The following ZDHHC11B variants were observed in gnomAD, a reference collection of about 807,000 sequenced individuals.
The protein encoded by ZDHHC11B is zDHHC palmitoyltransferase 11B (putative), also known as probable palmitoyltransferase ZDHHC11B.
Under a neutral mutation model 42.3 loss-of-function variants are expected in ZDHHC11B, and 17 were observed. The observed-to-expected ratio is 0.40, with a 90% confidence interval of 0.27 to 0.60. The LOEUF is 0.60. Ranked by LOEUF, ZDHHC11B falls within the 20% of genes least tolerant of loss-of-function variation. The probability of loss-of-function intolerance (pLI) is 0.41; values close to 1 mark genes in which losing one functional copy is unlikely to be tolerated. For missense variants in ZDHHC11B, 262 were observed against 463.2 expected, an observed-to-expected ratio of 0.57 and a Z score of 3.99; for synonymous variants, 123 against 193.5, an observed-to-expected ratio of 0.64 and a Z score of 3.02.
chr5:736,569 C>T (rs1030755563), intron 10 of ZDHHC11B, among the ~76,000 whole-genome samples: 2 of 147,464 alleles, frequency 1.4e-5, no homozygotes, highest in African/African-American at 2.5e-5. Context: ...ATATAATAGG[C>T]CACAAAACAA....
intron 1 of ZDHHC11B, among the ~76,000 whole-genome samples, chr5:783,890 C>G (rs1221132454): frequency 1.3e-5 from 2 of 148,618 alleles, no homozygotes; most frequent in African/African-American, 2.5e-5. Flanking sequence ...CCCCCCTAAA[C>G]GCTTATCAAA....
intron 4 of ZDHHC11B, among the ~76,000 whole-genome samples, chr5:760,054 C>A (rs1488195956): frequency 1.3e-5 from 2 of 151,838 alleles, no homozygotes; most frequent in Non-Finnish European, 2.9e-5. Flanking sequence ...AATGGAGATC[C>A]AGGTGTGGAG....
chr5:778,738 G>A (rs1255058751), intron 1 of ZDHHC11B, among the ~76,000 whole-genome samples: 173 of 150,678 alleles, frequency 1.1e-3, no homozygotes, highest in African/African-American at 4.1e-3. Flanking sequence ...CCACAGCTGA[G>A]CCCTAAATCC....
Position 715,312 on chromosome 5 carries a change from G to A in ZDHHC11B, c.*7+1489C>T, listed in dbSNP as rs553271694. ...TTGCAAGTTGATGCTTCGGCCAAGC[G>A]TCCAGCTCCACTTCTCAGGCTCTGC... On this transcript the variant is annotated intron_variant, in intron 13 of 13. Coordinates refer to ENST00000508859, the MANE Select transcript of ZDHHC11B (RefSeq NM_001351303.2). 8.4e-3 allele frequency among the ~76,000 whole-genome samples: 1,257 copies of A among 150,072 alleles called. 15 individuals carry two copies. Among genetic ancestry groups the A allele is most frequent in the Non-Finnish European group, 0.012 (777 of 67,564 alleles).
At chr5:750,552 C>T (rs1233371488) in intron 7 of ZDHHC11B, among the ~76,000 whole-genome samples, 6 of 130,720 alleles carry the variant, frequency 4.6e-5, no homozygotes, top group African/African-American at 1.3e-4. Context: ...GCCCATTTCC[C>T]GAGGATGCTG....
chr5:762,478 G>C (rs1256338670), intron 4 of ZDHHC11B, among the ~76,000 whole-genome samples: 1 of 151,822 alleles, frequency 6.6e-6, no homozygotes, highest in East Asian at 1.9e-4. Flanking sequence ...CAGACTTGTA[G>C]ATAGGGTGTG....
intron 10 of ZDHHC11B, among the ~76,000 whole-genome samples, chr5:739,920 T>C (rs1229112596): frequency 6.6e-5 from 10 of 151,260 alleles, no homozygotes; most frequent in Non-Finnish European, 1.3e-4. Flanking sequence ...TCTGTATATA[T>C]GTAAATACCA....
chr5:722,563 C>A (rs1438380420), intron 12 of ZDHHC11B, among the ~76,000 whole-genome samples: 2 of 151,648 alleles, frequency 1.3e-5, no homozygotes, highest in Non-Finnish European at 1.5e-5. Flanking sequence ...ACTTCTTATA[C>A]CCTGCTGTGA....
chr5:721,389 T>C (rs978446568), intron 12 of ZDHHC11B, among the ~76,000 whole-genome samples: 3 of 151,614 alleles, frequency 2.0e-5, no homozygotes, highest in Non-Finnish European at 4.4e-5. Flanking sequence ...GATAGATAGA[T>C]AGATTGAACT....
At chr5:761,307 C>T (rs1221823577) in intron 4 of ZDHHC11B, among the ~76,000 whole-genome samples, 2 of 151,854 alleles carry the variant, frequency 1.3e-5, no homozygotes, top group Admixed American at 6.6e-5. Context: ...CATCCTCATC[C>T]CTCACTGCAG....
chr5:754,554 G>A (rs866000642), intron 6 of ZDHHC11B, among the ~76,000 whole-genome samples: 2,657 of 96,556 alleles, frequency 0.028, 2 homozygotes, highest in African/African-American at 0.055. Context: ...AGCCTCCACC[G>A]TGCTCAGGGG....
At chr5:784,303 C>T (rs1356905165) in intron 1 of ZDHHC11B, among the ~76,000 whole-genome samples, 1 of 151,864 alleles carries the variant, frequency 6.6e-6, no homozygotes, top group Non-Finnish European at 1.5e-5. Context: ...GTTCCAGCCC[C>T]GGGCTGGGCA....
At chr5:740,869 T>TCA (rs10626422) in intron 10 of ZDHHC11B, among the ~76,000 whole-genome samples, 100,194 of 118,782 alleles carry the variant, frequency 0.84, 42,919 homozygotes, top group East Asian at 0.96. Flanking sequence ...GAAAAAATGT[T>TCA]GTCGTAATTG....
rs550232191 is a variant in ZDHHC11B, at chr5:760,687, C to T, written c.223-4543G>A. ...CATGCACTGGGCCCTGCGGTGGAAT[C>T]GCAGATGCAAACACAGCATTTTACA... On this transcript the variant is annotated intron_variant, in intron 4 of 13. Transcript: ENST00000508859. 8.3e-3 allele frequency among the ~76,000 whole-genome samples: 1,256 copies of T among 151,684 alleles called. 36 individuals carry two copies. The highest frequency in any genetic ancestry group is 0.028 in the African/African-American group (1,143 of 41,202).
At chr5:767,325 C>A in intron 3 of ZDHHC11B, 67 bp downstream of exon 3, 1 of 1,523,878 alleles carries the variant, frequency 6.6e-7, no homozygotes, top group Admixed American at 1.7e-5. Context: ...TGTGGGGCTC[C>A]GGGTCCCACA....
intron 6 of ZDHHC11B, among the ~76,000 whole-genome samples, chr5:754,269 A>G (rs1301793651): frequency 0.013 from 901 of 71,958 alleles, 9 homozygotes; most frequent in East Asian, 0.026. Flanking sequence ...CCTCTCGTCT[A>G]TGAGCCTCCA....
intron 1 of ZDHHC11B, among the ~76,000 whole-genome samples, chr5:777,557 G>C (rs192006408): frequency 6.6e-6 from 1 of 151,950 alleles, no homozygotes; most frequent in Non-Finnish European, 1.5e-5. Context: ...GGTTGCGGCA[G>C]GGCGTTCCGG....
intron 11 of ZDHHC11B, among the ~76,000 whole-genome samples, chr5:731,063 T>C (rs1229173105): frequency 2.6e-5 from 4 of 151,880 alleles, no homozygotes; most frequent in African/African-American, 9.7e-5. Context: ...CACATGTTGT[T>C]CTCAGTGCTC....
chr5:721,568 G>T (rs1205164963), intron 12 of ZDHHC11B, among the ~76,000 whole-genome samples: 4 of 151,370 alleles, frequency 2.6e-5, no homozygotes, highest in Non-Finnish European at 5.9e-5. Context: ...CGAGGATGGG[G>T]GTGGGATGTG....
Sources: gnomAD v4.1 joint callset for allele counts (sites outside exome capture counted in the v4.1 genomes callset) on GRCh38, gnomAD v4.1.1 for gene constraint, MANE v1.5 for transcripts, NCBI Gene and HGNC (gene_info 2026-07-23, HGNC 2026-07-21) for gene names.